COL5A1: variants seen among roughly 807,000 people sequenced by gnomAD.
The protein encoded by COL5A1 is collagen alpha-1(V) chain.
Under a neutral mutation model 263.7 loss-of-function variants are expected in COL5A1, and 16 were observed. That is an observed-to-expected ratio of 0.06 (90% confidence interval 0.04 to 0.09). The LOEUF (loss-of-function observed/expected upper bound fraction) is 0.09. Among genes scored for constraint, COL5A1 ranks in the 10% least tolerant of loss-of-function variants. The pLI, the probability that COL5A1 is intolerant of heterozygous loss-of-function variation, is 1.00. For missense variants in COL5A1, 2,036 were observed against 2,540.5 expected (o/e 0.80, Z 4.27); for synonymous variants, 1,012 against 1,004.5 (o/e 1.01, Z -0.14).
chr9:134,781,615 C>T (rs949864035), intron 28 of COL5A1, among the ~76,000 whole-genome samples: 1 of 152,234 alleles, frequency 6.6e-6, no homozygotes, highest in African/African-American at 2.4e-5. Context: ...GCAGGGGATG[C>T]CTTCTTGCCA....
At chr9:134,756,889 C>A in intron 17 of COL5A1, 71 bp downstream of exon 17, 2 of 1,440,842 alleles carry the variant, frequency 1.4e-6, no homozygotes, top group Non-Finnish European at 2.0e-6. Context: ...ATGATGTAAC[C>A]AAAATGCTGG....
chr9:134,774,650 C>T (rs561961715), intron 26 of COL5A1, among the ~76,000 whole-genome samples: 2 of 152,334 alleles, frequency 1.3e-5, no homozygotes, highest in Non-Finnish European at 2.9e-5. Flanking sequence ...GTGTCCCGCT[C>T]AGCATGAGAC....
Position 134,716,381 on chromosome 9 carries a change from C to T in COL5A1, c.655-10885C>T, listed in dbSNP as rs1296341678. Reference sequence around the variant, plus strand: ...GTGGCTTCCTTCTGGGGAGCCTGGACCGAGTGAACATCCCCTGTGCTCAGC... The same window carrying T: ...GTGGCTTCCTTCTGGGGAGCCTGGATCGAGTGAACATCCCCTGTGCTCAGC... On this transcript the variant is annotated intron_variant, in intron 4 of 65. Coordinates refer to ENST00000371817, the MANE Select transcript of COL5A1 (RefSeq NM_000093.5). The surrounding 1 kb of genome is among the most constrained non-coding windows in gnomAD (Gnocchi z 4.5). Among the ~76,000 whole-genome samples the T allele has an allele frequency of 1.3e-5, 2 of 152,152 alleles. No homozygotes were observed. Among genetic ancestry groups the T allele is most frequent in the Non-Finnish European group, 2.9e-5 (2 of 68,030 alleles).
intron 4 of COL5A1, among the ~76,000 whole-genome samples, chr9:134,717,324 C>T (rs1472508742): frequency 2.0e-5 from 3 of 152,234 alleles, no homozygotes; most frequent in Admixed American, 2.0e-4. Context: ...GGAACGCAGT[C>T]GTGTTCTTAG....
intron 63 of COL5A1, among the ~76,000 whole-genome samples, chr9:134,828,282 G>A (rs964674386): frequency 2.0e-5 from 3 of 152,142 alleles, no homozygotes; most frequent in East Asian, 1.9e-4. Flanking sequence ...CTGCAGCCTC[G>A]GCCTCTGTGG....
chr9:134,785,936 C>CG, intron 30 of COL5A1, 59 bp from the exon 31 acceptor site: 1 of 1,508,598 alleles, frequency 6.6e-7, no homozygotes, highest in South Asian at 1.1e-5. Flanking sequence ...CTCTCTGCTC[C>CG]GGGGAAACGG....
chr9:134,833,311 C>T (rs73664158), intron 64 of COL5A1, among the ~76,000 whole-genome samples: 4 of 152,220 alleles, frequency 2.6e-5, no homozygotes, highest in South Asian at 2.1e-4. Flanking sequence ...ATGCCCTGCA[C>T]GGGCCTTGCA....
In COL5A1 at chr9:134,835,065, A is replaced by G. The variant is rs1309931589; in HGVS notation, c.5231A>G (p.Tyr1744Cys). ...LSASAHQNVT[Y>C]HCYQSVAWQD... The stretch of plus-strand genomic sequence containing the variant: ...GCCTCTGCCCACCAGAACGTCACCT[A>G]CCACTGCTACCAGTCAGTGGCCTGG... Residue 1744 changes from tyrosine to cysteine, a missense_variant, in exon 65 of 66, where the codon TAC becomes TGC. Coordinates refer to ENST00000371817, the MANE Select transcript of COL5A1 (RefSeq NM_000093.5). 6.2e-7 allele frequency: 1 copy of G among 1,613,478 alleles called. No homozygotes were observed. The highest frequency in any genetic ancestry group is 1.7e-5 in the Admixed American group (1 of 60,020).
chr9:134,811,462 C>T, intron 45 of COL5A1, 30 bp from the exon 46 acceptor site: 1 of 1,613,690 alleles, frequency 6.2e-7, no homozygotes. Context: ...TTGCCAGCAT[C>T]CTCACCCATG....
At chr9:134,807,311 T>C (rs1838329754) in intron 42 of COL5A1, among the ~76,000 whole-genome samples, 1 of 152,240 alleles carries the variant, frequency 6.6e-6, no homozygotes, top group Non-Finnish European at 1.5e-5. Context: ...TCTCTTTTTT[T>C]GAGATGGAGT....
chr9:134,656,568 A>C (rs945802453), intron 1 of COL5A1, among the ~76,000 whole-genome samples: 2 of 152,132 alleles, frequency 1.3e-5, no homozygotes, highest in South Asian at 4.1e-4. Flanking sequence ...GTGTGGATGC[A>C]AAGCCCTAGG....
intron 32 of COL5A1, among the ~76,000 whole-genome samples, chr9:134,793,631 G>A (rs142187080): frequency 1.2e-4 from 18 of 152,248 alleles, no homozygotes; most frequent in Non-Finnish European, 2.5e-4. Context: ...ACTGTTTTAG[G>A]GTGGAGGGTT....
Position 134,741,060 on chromosome 9 carries a change from A to G in COL5A1, c.1494+2252A>G, listed in dbSNP as rs1317292237. On this transcript the variant is annotated intron_variant, in intron 11 of 65. Coordinates refer to ENST00000371817, the MANE Select transcript of COL5A1 (RefSeq NM_000093.5). The surrounding 1 kb of genome is among the most constrained non-coding windows in gnomAD (Gnocchi z 4.5). ...GGTCCAGCTCCGGCCAGCCTTGTTC[A>G]GGAAGCCATCCCTGCTCACCGCTCA... Among the ~76,000 whole-genome samples the G allele has an allele frequency of 6.6e-6, 1 of 152,180 alleles. No individual in the cohort carries two copies. The highest frequency in any genetic ancestry group is 1.5e-5 in the Non-Finnish European group (1 of 68,034).
At position 134,761,827 on chromosome 9, in the gene COL5A1, A is replaced by C. The variant is rs1045599014; in HGVS notation, c.1936-98A>C. On this transcript the variant is annotated intron_variant, in intron 18 of 65. Coordinates refer to ENST00000371817, the MANE Select transcript of COL5A1 (RefSeq NM_000093.5). ...GGAAGGGTCTTTTGAGAGCTTGGGA[A>C]TCTTACTGTCAGAATTAGAGAAAAA... 8 of 1,197,678 alleles carry C rather than the reference A, an allele frequency of 6.7e-6. No individual in the cohort carries two copies. The Admixed American group carries it at 1.3e-4, about 20-fold the overall frequency. 74.2% of individuals were successfully genotyped at this position (1,197,678 alleles called of 1,614,324 possible).
intron 20 of COL5A1, among the ~76,000 whole-genome samples, chr9:134,764,293 A>C (rs1051178327): frequency 1.1e-5 from 1 of 89,508 alleles, no homozygotes; most frequent in Non-Finnish European, 2.1e-5. Context: ...AGGGAGAAGC[A>C]TGGGAGGTCT....
At chr9:134,822,672 T>G (rs1588593825) in intron 59 of COL5A1, among the ~76,000 whole-genome samples, 1 of 149,000 alleles carries the variant, frequency 6.7e-6, no homozygotes. Context: ...GGCTGGGGGG[T>G]GCATTCCATC....
At position 134,823,885 on chromosome 9, in the gene COL5A1, G is replaced by T. The variant is rs117291318; in HGVS notation, c.4698+416G>T. The stretch of plus-strand genomic sequence containing the variant: ...ATGTGTGTGTGCATGATGTGTGTAT[G>T]GGTATGCATGCATATATGTGGGGCA... On this transcript the variant is annotated intron_variant, in intron 61 of 65. Coordinates refer to ENST00000371817, the MANE Select transcript of COL5A1 (RefSeq NM_000093.5). Among the ~76,000 whole-genome samples, 363 of 152,282 alleles carry T rather than the reference G, an allele frequency of 2.4e-3. 6 individuals are homozygous for T. In the East Asian group the frequency reaches 0.061, roughly 26 times the overall value.
At position 134,727,263 on chromosome 9, in the gene COL5A1, C is replaced by T; in HGVS notation, c.655-3C>T. 1 of 1,613,624 alleles carries T rather than the reference C, an allele frequency of 6.2e-7. No individual in the cohort carries two copies. The highest frequency in any genetic ancestry group is 8.5e-7 in the Non-Finnish European group (1 of 1,179,962). ...TTTTTCATGAGCGTCTCTTCTTTTCCAGGGTGACATCCAGCAGCTGCTCTT... is the reference window on the plus strand; with the variant it reads ...TTTTTCATGAGCGTCTCTTCTTTTCTAGGGTGACATCCAGCAGCTGCTCTT... On this transcript the variant is annotated splice_polypyrimidine_tract_variant and splice_region_variant and intron_variant, in intron 4 of 65. Coordinates refer to ENST00000371817, the MANE Select transcript of COL5A1 (RefSeq NM_000093.5).
At chr9:134,676,122 G>A (rs1324167959) in intron 1 of COL5A1, among the ~76,000 whole-genome samples, 1 of 152,066 alleles carries the variant, frequency 6.6e-6, no homozygotes, top group Admixed American at 6.5e-5. Flanking sequence ...TGAAGTGGAG[G>A]GATATAGAGA....
Sources: gnomAD v4.1 joint callset for allele counts (sites outside exome capture counted in the v4.1 genomes callset) on GRCh38, gnomAD v4.1.1 for gene constraint, Gnocchi (gnomAD v3.1) non-coding constraint, MANE v1.5 for transcripts, NCBI Gene and HGNC (gene_info 2026-07-23, HGNC 2026-07-21) for gene names.